Variants in DYNC1LI1 observed in about 807,000 individuals in gnomAD.
DYNC1LI1 encodes the protein dynein cytoplasmic 1 light intermediate chain 1, also known as cytoplasmic dynein 1 light intermediate chain 1.
A neutral mutation model predicts 63.8 loss-of-function variants in DYNC1LI1; 19 were observed. The observed-to-expected ratio is 0.30, with a 90% CI of 0.21 to 0.44. DYNC1LI1 has a LOEUF of 0.44. DYNC1LI1 is among the 20% of genes least tolerant of loss of function. The pLI is 1.00. For missense variants in DYNC1LI1, 565 were observed against 630.2 expected (o/e 0.90, Z 1.11); for synonymous variants, 225 against 232.3 (o/e 0.97, Z 0.28).
chr3:32,531,555 G>A (rs1697696429), intron 8 of DYNC1LI1: 1 of 152,122 alleles, frequency 6.6e-6, no homozygotes, highest in African/African-American at 2.4e-5. Context: ...CCTAAACAGG[G>A]CCTGAGGTGA....
intron 12 of DYNC1LI1, among the ~76,000 whole-genome samples, chr3:32,528,064 T>C (rs1697644170): frequency 8.1e-6 from 1 of 123,420 alleles, no homozygotes; most frequent in Non-Finnish European, 1.6e-5. Flanking sequence ...GAGGCTGCAG[T>C]ATCGTGCCAC....
chr3:32,545,454 CA>C, intron 3 of DYNC1LI1: 1 of 334,712 alleles, frequency 3.0e-6, no homozygotes, highest in African/African-American at 2.2e-5. Flanking sequence ...ATATCATATA[CA>C]AAAATGAGAA....
At chr3:32,539,919 C>T (rs1332005930) in intron 5 of DYNC1LI1, among the ~76,000 whole-genome samples, 1 of 151,350 alleles carries the variant, frequency 6.6e-6, no homozygotes, top group Non-Finnish European at 1.5e-5. Context: ...GGTTGGGGTG[C>T]AGTGGCGCAA....
intron 2 of DYNC1LI1, among the ~76,000 whole-genome samples, chr3:32,563,317 G>A (rs1238249447): frequency 7.0e-6 from 1 of 142,560 alleles, no homozygotes; most frequent in South Asian, 2.2e-4. Context: ...TTGAGATGGA[G>A]TCTTGCTTGG....
chr3:32,537,942 ATATATAAT>A (rs1697804958), intron 5 of DYNC1LI1, among the ~76,000 whole-genome samples: 3 of 16,028 alleles, frequency 1.9e-4, no homozygotes, highest in African/African-American at 1.1e-3. Flanking sequence ...TATATAATAT[ATATATAAT>A]TTATATATAT....
rs1225837564 is a variant in DYNC1LI1, at chr3:32,538,005, T to TA, written c.739-902dup. Among the ~76,000 whole-genome samples, 34 of 41,920 alleles carry TA rather than the reference T, an allele frequency of 8.1e-4. 3 individuals are homozygous for TA. The highest frequency in any genetic ancestry group is 1.2e-3 in the Non-Finnish European group (31 of 26,590). 27.5% of individuals were successfully genotyped at this position (41,920 alleles called of 152,430 possible). A position where few individuals can be genotyped will look rare whatever the true frequency, so the allele number is the denominator to read the frequency against. ...ATAATATATATATATAATTTATATA[T>TA]ATAATATATATATATAATTTATATA... is the stretch of plus-strand genomic sequence containing the variant. On this transcript the variant is annotated intron_variant, in intron 5 of 12. Transcript: ENST00000273130.
chr3:32,549,076 T>C (rs1431860909), intron 2 of DYNC1LI1, among the ~76,000 whole-genome samples: 1 of 152,100 alleles, frequency 6.6e-6, no homozygotes, highest in Non-Finnish European at 1.5e-5. Flanking sequence ...TTTCTATTAC[T>C]AAACCCAACA....
intron 8 of DYNC1LI1, chr3:32,532,738 T>C (rs1697718087): frequency 2.2e-6 from 1 of 453,172 alleles, no homozygotes; most frequent in Non-Finnish European, 3.4e-6. Flanking sequence ...AGAATGTGGA[T>C]TCTGCACTAA....
Position 32,534,772 on chromosome 3 carries a change from T to C in DYNC1LI1, c.833-126A>G, listed in dbSNP as rs894389318. 6.2e-6 allele frequency: 4 copies of C among 649,676 alleles called. No homozygotes were observed. In the African/African-American group the frequency reaches 7.5e-5, roughly 12 times the overall value. 40.2% of individuals were successfully genotyped at this position (649,676 alleles called of 1,614,324 possible). A position where few individuals can be genotyped will look rare whatever the true frequency, so the allele number is the denominator to read the frequency against. On this transcript the variant is annotated intron_variant, in intron 6 of 12. Coordinates refer to ENST00000273130, the MANE Select transcript of DYNC1LI1 (RefSeq NM_016141.4). ...TTCAGAAATAACTCCAAAGGTATAT[T>C]ATATGGTAATCAAGAACTTCAAAAG...
chr3:32,555,356 C>G (rs1180251020), intron 2 of DYNC1LI1, among the ~76,000 whole-genome samples: 1 of 152,148 alleles, frequency 6.6e-6, no homozygotes, highest in African/African-American at 2.4e-5. Flanking sequence ...CATCTGAAAA[C>G]AGATCTGTTT....
intron 3 of DYNC1LI1, 86 bp from the exon 4 acceptor site, chr3:32,545,192 C>T: frequency 2.3e-6 from 2 of 864,122 alleles, no homozygotes; most frequent in Admixed American, 4.3e-5. Context: ...TATTTTAGTG[C>T]ATCTCCACAG....
chr3:32,545,135 G>C, intron 3 of DYNC1LI1, 29 bp from the exon 4 acceptor site: 1 of 1,461,868 alleles, frequency 6.8e-7, no homozygotes, highest in Non-Finnish European at 9.6e-7. Context: ...AGTAACCAAG[G>C]CAACAAGATT....
Position 32,529,767 on chromosome 3 carries a change from G to A in DYNC1LI1, c.1186-107C>T, listed in dbSNP as rs144904907. ...TTTGCAACTATCCCCTGTTCTACTG[G>A]TACTTTTACACTGCAAGCCATTGAC... On this transcript the variant is annotated intron_variant, in intron 10 of 12. Coordinates refer to ENST00000273130, the MANE Select transcript of DYNC1LI1 (RefSeq NM_016141.4). 4.7e-4 allele frequency: 464 copies of A among 981,306 alleles called. 1 individual carries two copies. The African/African-American group carries it at 6.4e-3, about 14-fold the overall frequency. The allele number at this position is 981,306 out of a possible 1,614,324, so 60.8% of individuals were successfully genotyped here. A position where few individuals can be genotyped will look rare whatever the true frequency, so the allele number is the denominator to read the frequency against.
intron 8 of DYNC1LI1, chr3:32,531,689 T>C (rs1284927059): frequency 6.6e-6 from 1 of 152,150 alleles, no homozygotes; most frequent in Non-Finnish European, 1.5e-5. Flanking sequence ...TTATTACTAA[T>C]AATAACCCAC....
intron 2 of DYNC1LI1, chr3:32,570,132 A>C: frequency 1.5e-6 from 1 of 686,714 alleles, no homozygotes; most frequent in Non-Finnish European, 2.6e-6. Context: ...GGGGAGGAGG[A>C]GGAGGAACCT....
chr3:32,534,760 C>A, intron 6 of DYNC1LI1, 114 bp from the exon 7 acceptor site: 2 of 809,686 alleles, frequency 2.5e-6, no homozygotes, highest in Non-Finnish European at 3.7e-6. Context: ...AGAAATAACT[C>A]CAAAGGTATA....
chr3:32,568,304 T>C (rs1233350306), intron 2 of DYNC1LI1, among the ~76,000 whole-genome samples: 2 of 152,216 alleles, frequency 1.3e-5, no homozygotes, highest in East Asian at 1.9e-4. Context: ...TGCTGCCATA[T>C]GTGACGGTGA....
At chr3:32,564,071 T>G (rs1056822638) in intron 2 of DYNC1LI1, among the ~76,000 whole-genome samples, 1 of 152,172 alleles carries the variant, frequency 6.6e-6, no homozygotes, top group Non-Finnish European at 1.5e-5. Flanking sequence ...GAGACTGAGG[T>G]GGGAGGATCA....
At chr3:32,565,981 G>A (rs966793176) in intron 2 of DYNC1LI1, among the ~76,000 whole-genome samples, 1 of 152,124 alleles carries the variant, frequency 6.6e-6, no homozygotes, top group African/African-American at 2.4e-5. Context: ...TAACATTTCT[G>A]TTTCTGGCCG....
Sources: allele counts gnomAD v4.1 joint callset (sites outside exome capture counted in the v4.1 genomes callset), GRCh38; gene constraint gnomAD v4.1.1; transcripts MANE v1.5; gene names NCBI Gene and HGNC (gene_info 2026-07-23, HGNC 2026-07-21).